The following C1orf21 variants were observed in gnomAD, a reference collection of about 807,000 sequenced individuals.
C1orf21 encodes the protein uncharacterized protein C1orf21.
C1orf21 carries 3 observed loss-of-function variants against 18.7 expected under a neutral mutation model. The observed-to-expected ratio is 0.16, with a 90% CI of 0.07 to 0.42. C1orf21 has a LOEUF of 0.42. Ranked by LOEUF, C1orf21 falls within the 10% of genes least tolerant of loss-of-function variation. The pLI, the probability that C1orf21 is intolerant of heterozygous loss-of-function variation, is 0.99. For missense variants in C1orf21, 104 were observed against 143.6 expected, an observed-to-expected ratio of 0.72 and a Z score of 1.41; for synonymous variants, 41 against 46.4, an observed-to-expected ratio of 0.88 and a Z score of 0.47.
chr1:184,463,672 A>G (rs140693836), intron 1 of C1orf21, among the ~76,000 whole-genome samples: 1 of 152,362 alleles, frequency 6.6e-6, no homozygotes, highest in East Asian at 1.9e-4. Context: ...AGTTAACAAT[A>G]TAGAACAACA....
At chr1:184,468,520 C>T (rs1360249127) in intron 1 of C1orf21, among the ~76,000 whole-genome samples, 1 of 152,290 alleles carries the variant, frequency 6.6e-6, no homozygotes, top group South Asian at 2.1e-4. Flanking sequence ...TATAATACTA[C>T]ATTACATTAT....
At chr1:184,408,029 G>A (rs1368982888) in intron 1 of C1orf21, among the ~76,000 whole-genome samples, 1 of 152,084 alleles carries the variant, frequency 6.6e-6, no homozygotes, top group Non-Finnish European at 1.5e-5. Flanking sequence ...ACCATCAGGT[G>A]GGCCACAGAC....
At chr1:184,578,372 A>G (rs1322369213) in intron 3 of C1orf21, among the ~76,000 whole-genome samples, 1 of 152,198 alleles carries the variant, frequency 6.6e-6, no homozygotes, top group Non-Finnish European at 1.5e-5. Flanking sequence ...TCCCATTCAC[A>G]TGTGTTTTGT....
chr1:184,604,884 G>C (rs1170677047), intron 5 of C1orf21, among the ~76,000 whole-genome samples: 7 of 152,166 alleles, frequency 4.6e-5, no homozygotes, highest in African/African-American at 1.7e-4. Context: ...GAAAATTCTT[G>C]AGGATCTATC....
intron 1 of C1orf21, among the ~76,000 whole-genome samples, chr1:184,422,036 G>T (rs919789319): frequency 6.6e-6 from 1 of 152,214 alleles, no homozygotes; most frequent in Non-Finnish European, 1.5e-5. Context: ...CTTGATGAAA[G>T]ATATCAACTG....
rs1659965911 is a variant in C1orf21, at chr1:184,623,998, T to G, written c.*4442T>G. On this transcript the variant is annotated 3_prime_UTR_variant, in exon 6 of 6. Transcript: ENST00000235307. Reference sequence around the variant, plus strand: ...AGATACTGTGCTAGGCATTTTATAATTGTTTTGTGTCATCCTCATGATAAT... The same window carrying G: ...AGATACTGTGCTAGGCATTTTATAAGTGTTTTGTGTCATCCTCATGATAAT... 1 of 152,638 alleles carries G rather than the reference T, an allele frequency of 6.6e-6. No homozygotes were observed. Among genetic ancestry groups the G allele is most frequent in the Non-Finnish European group, 1.5e-5 (1 of 68,032 alleles). 9.5% of individuals were successfully genotyped at this position (152,638 alleles called of 1,614,324 possible).
intron 5 of C1orf21, 132 bp downstream of exon 5, chr1:184,598,593 A>T: frequency 2.4e-6 from 2 of 846,238 alleles, no homozygotes; most frequent in Non-Finnish European, 3.6e-6. Context: ...GAGTTAAATA[A>T]AAGTCACCGC....
intron 3 of C1orf21, among the ~76,000 whole-genome samples, chr1:184,549,145 G>C (rs940289771): frequency 1.3e-5 from 2 of 152,100 alleles, no homozygotes; most frequent in African/African-American, 2.4e-5. Context: ...GGGGTGGTGG[G>C]CTCAAGTCCT....
At position 184,397,132 on chromosome 1, in the gene C1orf21, T is replaced by C. The variant is rs1656063031; in HGVS notation, c.-125+9764T>C. On this transcript the variant is annotated intron_variant, in intron 1 of 5. Coordinates refer to ENST00000235307, the MANE Select transcript of C1orf21 (RefSeq NM_030806.4). Reference sequence around the variant, plus strand: ...AGACTCAAACCAGGCAAGTGTGGTGTCTGTCAAAGAAAAGGGAGGATCAGG... The same window carrying C: ...AGACTCAAACCAGGCAAGTGTGGTGCCTGTCAAAGAAAAGGGAGGATCAGG... Among the ~76,000 whole-genome samples, 3 of 152,274 alleles carry C rather than the reference T, an allele frequency of 2.0e-5. No homozygotes were observed. In the South Asian group the frequency reaches 6.2e-4, roughly 32 times the overall value.
At chr1:184,591,745 G>A (rs1382164293) in intron 4 of C1orf21, among the ~76,000 whole-genome samples, 1 of 151,970 alleles carries the variant, frequency 6.6e-6, no homozygotes, top group Non-Finnish European at 1.5e-5. Context: ...GGTGGAGCTT[G>A]CAGTGAGCAG....
chr1:184,568,560 A>C (rs1659066415), intron 3 of C1orf21: 1 of 408,466 alleles, frequency 2.4e-6, no homozygotes, highest in Non-Finnish European at 5.0e-6. Context: ...AAAATATTTC[A>C]AAGATATTTA....
intron 3 of C1orf21, among the ~76,000 whole-genome samples, chr1:184,541,236 C>G (rs955050707): frequency 1.7e-4 from 26 of 152,146 alleles, no homozygotes; most frequent in African/African-American, 6.0e-4. Context: ...GGTAGCAGTA[C>G]AGATGAAATA....
chr1:184,617,360 G>A (rs956609379), intron 5 of C1orf21, among the ~76,000 whole-genome samples: 3 of 152,158 alleles, frequency 2.0e-5, no homozygotes, highest in Admixed American at 6.5e-5. Flanking sequence ...GGGTCCATTT[G>A]TAAGTTACCT....
intron 3 of C1orf21, among the ~76,000 whole-genome samples, chr1:184,531,982 A>G (rs968962176): frequency 1.3e-5 from 2 of 151,788 alleles, no homozygotes; most frequent in African/African-American, 4.8e-5. Context: ...TTCAATTCTT[A>G]TTATTTGTGT....
chr1:184,464,677 T>C (rs1657360664), intron 1 of C1orf21, among the ~76,000 whole-genome samples: 1 of 152,158 alleles, frequency 6.6e-6, no homozygotes, highest in East Asian at 1.9e-4. Flanking sequence ...AGAGAGCAAA[T>C]TGAAGGAAGA....
At chr1:184,517,261 C>A (rs529887170) in intron 3 of C1orf21, among the ~76,000 whole-genome samples, 1 of 152,056 alleles carries the variant, frequency 6.6e-6, no homozygotes, top group Non-Finnish European at 1.5e-5. Context: ...ATTTAGGAAC[C>A]CTCTACAAGT....
intron 2 of C1orf21, among the ~76,000 whole-genome samples, chr1:184,501,377 C>T (rs572799849): frequency 2.0e-5 from 3 of 152,230 alleles, no homozygotes; most frequent in East Asian, 1.9e-4. Flanking sequence ...ACCCCTTGCC[C>T]GAAAGCTCCT....
At chr1:184,606,746 A>G (rs1385406416) in intron 5 of C1orf21, among the ~76,000 whole-genome samples, 1 of 152,222 alleles carries the variant, frequency 6.6e-6, no homozygotes, top group Admixed American at 6.5e-5. Context: ...GAAATGAGCC[A>G]GGGCCATGAG....
chr1:184,601,946 T>TC (rs1571297465), intron 5 of C1orf21, among the ~76,000 whole-genome samples: 2 of 152,146 alleles, frequency 1.3e-5, no homozygotes, highest in East Asian at 3.9e-4. Context: ...ACCTACTGAA[T>TC]ACTACACTAA....
Sources: gnomAD v4.1 joint callset for allele counts (sites outside exome capture counted in the v4.1 genomes callset) on GRCh38, gnomAD v4.1.1 for gene constraint, MANE v1.5 for transcripts, NCBI Gene and HGNC (gene_info 2026-07-23, HGNC 2026-07-21) for gene names.